The following UGT1A7 variants were observed in gnomAD, a reference collection of about 807,000 sequenced individuals.
UGT1A7 encodes UDP glucuronosyltransferase family 1 member A7.
A neutral mutation model predicts 45.6 loss-of-function variants in UGT1A7; 33 were observed. The ratio of observed to expected loss-of-function variants is 0.72; its 90% confidence interval spans 0.55 to 0.97. The LOEUF (loss-of-function observed/expected upper bound fraction) is 0.97, where lower values mean the gene tolerates loss of function less well. Among genes scored for constraint, UGT1A7 ranks in the 50% least tolerant of loss-of-function variants. The pLI, the probability that UGT1A7 is intolerant of heterozygous loss-of-function variation, is 0.00. For missense variants in UGT1A7, 684 were observed against 666.2 expected, an observed-to-expected ratio of 1.03 and a Z score of -0.29; for synonymous variants, 274 against 250.6, an observed-to-expected ratio of 1.09 and a Z score of -0.88.
chr2:233,750,073 G>A (rs535406029), intron 1 of UGT1A7, among the ~76,000 whole-genome samples: 50 of 151,996 alleles, frequency 3.3e-4, no homozygotes, highest in East Asian at 3.9e-4. Flanking sequence ...CTGGGTAACA[G>A]GCAGAGGTTG....
chr2:233,728,472 C>A (rs778651891), intron 1 of UGT1A7, among the ~76,000 whole-genome samples: 1 of 152,182 alleles, frequency 6.6e-6, no homozygotes, highest in African/African-American at 2.4e-5. Context: ...TCCCAAGAAT[C>A]TGATCATCAC....
At chr2:233,689,006 A>C (rs890693813) in intron 1 of UGT1A7, among the ~76,000 whole-genome samples, 2 of 152,152 alleles carry the variant, frequency 1.3e-5, no homozygotes, top group Non-Finnish European at 2.9e-5. Flanking sequence ...GGGTCTCTTT[A>C]CTTCATAAAC....
chr2:233,746,004 G>A (rs1693275700), intron 1 of UGT1A7, among the ~76,000 whole-genome samples: 1 of 151,648 alleles, frequency 6.6e-6, no homozygotes, highest in Non-Finnish European at 1.5e-5. Context: ...GAGAGACAGT[G>A]GTAGAAACAT....
chr2:233,743,204 C>G (rs187896113), intron 1 of UGT1A7: 8 of 388,962 alleles, frequency 2.1e-5, no homozygotes, highest in East Asian at 7.2e-5. Context: ...GGTGTCAATG[C>G]GGAGTAACTG....
intron 1 of UGT1A7, chr2:233,753,714 C>T (rs1422893106): frequency 1.3e-5 from 2 of 152,222 alleles, no homozygotes; most frequent in Non-Finnish European, 2.9e-5. Flanking sequence ...TTTCATCAAC[C>T]TAATTTGATA....
At chr2:233,699,087 C>G (rs908686426) in intron 1 of UGT1A7, among the ~76,000 whole-genome samples, 1 of 152,218 alleles carries the variant, frequency 6.6e-6, no homozygotes, top group Admixed American at 6.5e-5. Flanking sequence ...CTCTCTAGCC[C>G]TGTGCACCTC....
chr2:233,768,179 A>G, intron 3 of UGT1A7, 41 bp from the exon 4 acceptor site: 1 of 1,613,948 alleles, frequency 6.2e-7, no homozygotes, highest in East Asian at 2.2e-5. Context: ...TGTGAAACTC[A>G]GAGATGTAAC....
chr2:233,744,046 C>G, intron 1 of UGT1A7: 1 of 729,302 alleles, frequency 1.4e-6, no homozygotes, highest in Non-Finnish European at 1.9e-6. Flanking sequence ...GCAGCCACAT[C>G]TCATTGGTCG....
At chr2:233,717,158 G>A (rs75491591) in intron 1 of UGT1A7, among the ~76,000 whole-genome samples, 1 of 152,182 alleles carries the variant, frequency 6.6e-6, no homozygotes, top group Non-Finnish European at 1.5e-5. Flanking sequence ...GAACATGGGA[G>A]CCCCTTGAAT....
chr2:233,724,426 G>T, intron 1 of UGT1A7, among the ~76,000 whole-genome samples: 1 of 134,712 alleles, frequency 7.4e-6, no homozygotes, highest in Admixed American at 7.3e-5. Flanking sequence ...GGGCGGAGAG[G>T]CTCCTCACTT....
chr2:233,766,838 C>T (rs906628829), intron 1 of UGT1A7, among the ~76,000 whole-genome samples, 196 bp from the exon 2 acceptor site: 1 of 152,156 alleles, frequency 6.6e-6, no homozygotes, highest in Non-Finnish European at 1.5e-5. Flanking sequence ...TAAGCAGGAA[C>T]CCTTCCTCCT....
rs768704616 is a variant in UGT1A7 at position 233,772,137 on chromosome 2, T to G, written c.1296-125T>G. On this transcript the variant is annotated intron_variant, in intron 4 of 4. Transcript: ENST00000373426. Reference sequence around the variant, plus strand: ...CTAAAAACAACAACAACAACAATAATAGAAACAGGTTTCCTTTCCCAAGTT... The same window carrying G: ...CTAAAAACAACAACAACAACAATAAGAGAAACAGGTTTCCTTTCCCAAGTT... 6.0e-5 allele frequency: 93 copies of G among 1,547,684 alleles called. 1 individual carries two copies. The highest frequency in any genetic ancestry group is 4.6e-4 in the Middle Eastern group (2 of 4,368).
In UGT1A7 at chr2:233,768,069, G is replaced by T. The variant is rs191770279; in HGVS notation, c.1075+133G>T. ...CATATCCTACATTGCTTTTTATCTAGTGGGGTATCTCAACCCACATTTTCT... is the reference window on the plus strand; with the variant it reads ...CATATCCTACATTGCTTTTTATCTATTGGGGTATCTCAACCCACATTTTCT... On this transcript the variant is annotated intron_variant, in intron 3 of 4. Transcript: ENST00000373426. The T allele has an allele frequency of 3.1e-6, 5 of 1,596,368 alleles. No homozygotes were observed. In the East Asian group the frequency reaches 1.1e-4, roughly 36 times the overall value.
intron 1 of UGT1A7, among the ~76,000 whole-genome samples, chr2:233,759,074 G>A (rs550324440): frequency 5.3e-5 from 8 of 152,342 alleles, no homozygotes; most frequent in African/African-American, 1.9e-4. Flanking sequence ...GAATTTGGAA[G>A]AAAGAGACTT....
rs540217987 is a variant in UGT1A7, at chr2:233,754,403, C to G, written c.856-12631C>G. On this transcript the variant is annotated intron_variant, in intron 1 of 4. Coordinates refer to ENST00000373426, the MANE Select transcript of UGT1A7 (RefSeq NM_019077.3). ...CAAACAGAGGTCCTATCCGTGCAGTCCCAACAATAAAGACAGGCATTGGCA... is the reference window on the plus strand; with the variant it reads ...CAAACAGAGGTCCTATCCGTGCAGTGCCAACAATAAAGACAGGCATTGGCA... 52 of 338,868 alleles carry G rather than the reference C, an allele frequency of 1.5e-4. 1 individual carries two copies. Among genetic ancestry groups the G allele is most frequent in the South Asian group, 1.1e-3 (47 of 41,482 alleles). 21.0% of individuals were successfully genotyped at this position (338,868 alleles called of 1,614,324 possible).
At position 233,691,540 on chromosome 2, in the gene UGT1A7, T is replaced by C. The variant is rs924016085; in HGVS notation, c.855+8748T>C. 7.1e-6 allele frequency: 7 copies of C among 985,598 alleles called. No individual in the cohort carries two copies. In the South Asian group the frequency reaches 3.3e-4, roughly 46 times the overall value. The allele number at this position is 985,598 out of a possible 1,614,324, so 61.1% of individuals were successfully genotyped here. ...GTGTGCATGACTAGCTCTGGGCAAG[T>C]CTGTTCTAGTAATTCAAGGTACCAC... On this transcript the variant is annotated intron_variant, in intron 1 of 4. Transcript: ENST00000373426.
chr2:233,713,032 C>T, intron 1 of UGT1A7: 2 of 1,613,918 alleles, frequency 1.2e-6, no homozygotes, highest in Non-Finnish European at 1.7e-6. Context: ...CAGCTGGCCA[C>T]AGGACTGCTG....
intron 1 of UGT1A7, 26 bp downstream of exon 1, chr2:233,682,818 T>G: frequency 6.3e-7 from 1 of 1,581,160 alleles, no homozygotes; most frequent in Middle Eastern, 1.7e-4. Context: ...TTTAGCACAT[T>G]AAGAATAATC....
intron 1 of UGT1A7, among the ~76,000 whole-genome samples, chr2:233,705,232 T>C (rs962910924): frequency 6.6e-6 from 1 of 152,258 alleles, no homozygotes; most frequent in African/African-American, 2.4e-5. Context: ...AGTGCTTTTT[T>C]TCTGTATGAA....
Sources: allele counts gnomAD v4.1 joint callset (sites outside exome capture counted in the v4.1 genomes callset), GRCh38; gene constraint gnomAD v4.1.1; transcripts MANE v1.5; gene names NCBI Gene and HGNC (gene_info 2026-07-23, HGNC 2026-07-21).